EYS: variants seen among roughly 807,000 people sequenced by gnomAD.
The protein encoded by EYS is EGF-like photoreceptor maintenance factor.
A neutral mutation model predicts 282.1 loss-of-function variants in EYS; 250 were observed. That is an observed-to-expected ratio of 0.89 (90% CI 0.80 to 0.98). The LOEUF is 0.98. Among genes scored for constraint, EYS ranks in the 50% least tolerant of loss-of-function variants. The probability of loss-of-function intolerance (pLI) is 0.00; values close to 1 mark genes in which losing one functional copy is unlikely to be tolerated. For synonymous variants in EYS, 1,355 were observed against 1,282.9 expected (o/e 1.06, Z -1.20); for missense variants, 4,016 against 3,709.0 (o/e 1.08, Z -2.15).
intron 22 of EYS, among the ~76,000 whole-genome samples, chr6:64,661,914 C>T (rs1026324143): frequency 6.8e-6 from 1 of 147,280 alleles, no homozygotes; most frequent in Non-Finnish European, 1.5e-5. Context: ...AATCATGCTG[C>T]TATAAAGACA....
At chr6:64,312,091 T>A (rs1244532041) in intron 29 of EYS, among the ~76,000 whole-genome samples, 3 of 151,356 alleles carry the variant, frequency 2.0e-5, no homozygotes, top group African/African-American at 7.3e-5. Context: ...GCTCAGCAGG[T>A]CCCACCCCAA....
intron 12 of EYS, among the ~76,000 whole-genome samples, chr6:65,061,327 T>G (rs1201732839): frequency 6.6e-6 from 1 of 151,950 alleles, no homozygotes; most frequent in Non-Finnish European, 1.5e-5. Context: ...TTTTCAAAAG[T>G]TTCTGGGCAG....
At position 64,307,093 on chromosome 6, in the gene EYS, G is replaced by C. The variant is rs751405103; in HGVS notation, c.6079-11C>G. 7 of 1,130,016 alleles carry C rather than the reference G, an allele frequency of 6.2e-6. No homozygotes were observed. The South Asian group carries it at 9.5e-5, about 15-fold the overall frequency. The allele number at this position is 1,130,016 out of a possible 1,614,324, so 70.0% of individuals were successfully genotyped here. A position where few individuals can be genotyped will look rare whatever the true frequency, so the allele number is the denominator to read the frequency against. On this transcript the variant is annotated splice_polypyrimidine_tract_variant and intron_variant, in intron 29 of 42. Coordinates refer to ENST00000503581, the MANE Select transcript of EYS (RefSeq NM_001142800.2). ...GACTGGTACAGGCATCTGAGAGAGA[G>C]AGAGAGAGAGAGAAGTAGAGATAAT...
At chr6:65,039,907 A>C (rs1262315641) in intron 13 of EYS, among the ~76,000 whole-genome samples, 2 of 151,640 alleles carry the variant, frequency 1.3e-5, no homozygotes, top group African/African-American at 4.8e-5. Flanking sequence ...AATAAAATAA[A>C]TATTACCTCA....
At chr6:63,935,609 C>T (rs1224438479) in intron 35 of EYS, among the ~76,000 whole-genome samples, 2 of 152,108 alleles carry the variant, frequency 1.3e-5, no homozygotes, top group Admixed American at 6.6e-5. Context: ...GGAAAGGCCA[C>T]GTGAGGAAAG....
chr6:64,073,484 G>T (rs973119785), intron 32 of EYS, among the ~76,000 whole-genome samples: 4 of 151,722 alleles, frequency 2.6e-5, no homozygotes, highest in Non-Finnish European at 5.9e-5. Flanking sequence ...AGGAACTCTG[G>T]TTTTTCCAAA....
At chr6:64,061,965 A>C (rs1389445648) in intron 33 of EYS, among the ~76,000 whole-genome samples, 4 of 115,574 alleles carry the variant, frequency 3.5e-5, no homozygotes, top group African/African-American at 1.3e-4. Flanking sequence ...AGACTCTTTC[A>C]AAAAAAAAAA....
chr6:64,030,777 T>C (rs553965647), intron 33 of EYS, among the ~76,000 whole-genome samples: 2 of 152,290 alleles, frequency 1.3e-5, no homozygotes, highest in South Asian at 4.1e-4. Flanking sequence ...CTACAGATGG[T>C]CTTACAAATG....
intron 1 of EYS, among the ~76,000 whole-genome samples, 174 bp from the exon 2 acceptor site, chr6:65,640,066 T>A (rs1453576324): frequency 1.3e-5 from 2 of 152,172 alleles, no homozygotes; most frequent in Admixed American, 6.5e-5. Flanking sequence ...AGAAATAAGA[T>A]GGTAATTAAC....
chr6:64,512,464 A>T (rs1562034583), intron 26 of EYS, among the ~76,000 whole-genome samples: 1 of 151,982 alleles, frequency 6.6e-6, no homozygotes, highest in Non-Finnish European at 1.5e-5. Flanking sequence ...ATCAGAGAAA[A>T]TCCTGTACCC....
intron 31 of EYS, among the ~76,000 whole-genome samples, chr6:64,146,544 A>G (rs1458100612): frequency 2.0e-5 from 3 of 152,190 alleles, no homozygotes; most frequent in Admixed American, 6.6e-5. Context: ...GGGAAGAAGG[A>G]AAAGCACATA....
intron 35 of EYS, among the ~76,000 whole-genome samples, chr6:63,889,089 G>A (rs1773342015): frequency 6.6e-6 from 1 of 152,046 alleles, no homozygotes; most frequent in South Asian, 2.1e-4. Flanking sequence ...AAAGATTAGA[G>A]AAAAAAGAAT....
intron 12 of EYS, among the ~76,000 whole-genome samples, chr6:65,237,063 A>G (rs1766945729): frequency 6.6e-6 from 1 of 152,222 alleles, no homozygotes; most frequent in East Asian, 1.9e-4. Flanking sequence ...TTACATTTAT[A>G]TTAAATACAA....
intron 14 of EYS, among the ~76,000 whole-genome samples, chr6:64,993,840 T>C (rs1308988228): frequency 2.0e-5 from 3 of 151,468 alleles, no homozygotes; most frequent in African/African-American, 7.2e-5. Flanking sequence ...CAGTTTGTTT[T>C]TGCATCTGAA....
Position 64,185,803 on chromosome 6 carries a change from C to T in EYS, c.6424+44789G>A, listed in dbSNP as rs577774678. Among the ~76,000 whole-genome samples the T allele has an allele frequency of 5.9e-5, 9 of 152,258 alleles. No homozygotes were observed. In the South Asian group the frequency reaches 1.9e-3, roughly 32 times the overall value. ...GTCATCATCTTTGTCCAAACAACTA[C>T]GTGTCAGAGAGCTACTTCCAGATGT... is the stretch of plus-strand genomic sequence containing the variant. On this transcript the variant is annotated intron_variant, in intron 31 of 42. Coordinates refer to ENST00000503581, the MANE Select transcript of EYS (RefSeq NM_001142800.2).
At chr6:65,205,101 C>A (rs1766003036) in intron 12 of EYS, among the ~76,000 whole-genome samples, 1 of 143,706 alleles carries the variant, frequency 7.0e-6, no homozygotes, top group African/African-American at 2.5e-5. Flanking sequence ...TTTATATATT[C>A]TAGAAGAATA....
intron 26 of EYS, among the ~76,000 whole-genome samples, chr6:64,560,581 C>A (rs1259033936): frequency 6.6e-6 from 1 of 152,060 alleles, no homozygotes; most frequent in Non-Finnish European, 1.5e-5. Context: ...ATGCCTAATT[C>A]ATCAGACTTC....
chr6:65,083,064 A>T (rs916800272), intron 12 of EYS, among the ~76,000 whole-genome samples: 16 of 151,994 alleles, frequency 1.1e-4, no homozygotes, highest in African/African-American at 3.1e-4. Flanking sequence ...TGTCCATCTT[A>T]AAAAAATCAC....
At chr6:65,118,763 T>G (rs2150194118) in intron 12 of EYS, among the ~76,000 whole-genome samples, 1 of 152,170 alleles carries the variant, frequency 6.6e-6, no homozygotes, top group East Asian at 1.9e-4. Flanking sequence ...TTAATGGGAC[T>G]ACCATGCCTG....
Sources: allele counts gnomAD v4.1 joint callset (sites outside exome capture counted in the v4.1 genomes callset), GRCh38; gene constraint gnomAD v4.1.1; transcripts MANE v1.5; gene names NCBI Gene and HGNC (gene_info 2026-07-23, HGNC 2026-07-21).